Variants in GNG2 observed in about 807,000 individuals in gnomAD.
GNG2 encodes guanine nucleotide-binding protein G(I)/G(S)/G(O) subunit gamma-2.
In GNG2, 5 loss-of-function variants were observed where a neutral mutation model predicts 5.5. The observed-to-expected ratio is 0.91, with a 90% CI of 0.48 to 1.92. The LOEUF (loss-of-function observed/expected upper bound fraction) is 1.92. Among genes scored for constraint, GNG2 ranks in the 30% most tolerant of loss-of-function variants. The probability of loss-of-function intolerance (pLI) is 0.01; values close to 1 mark genes in which losing one functional copy is unlikely to be tolerated. For missense variants in GNG2, 55 were observed against 88.4 expected (o/e 0.62, Z 1.52); for synonymous variants, 28 against 32.0 (o/e 0.88, Z 0.42).
rs150037634 is a variant in GNG2, at chr14:51,946,945, G to A, written c.-29-3705G>A. Among the ~76,000 whole-genome samples the A allele has an allele frequency of 2.0e-4, 30 of 152,204 alleles. No individual in the cohort carries two copies. In the East Asian group the frequency reaches 5.2e-3, roughly 26 times the overall value. ...AAATCAGCTGGATGTGAAAAAAAAG[G>A]GAAAAATGCACTAATTGATTCTAAA... On this transcript the variant is annotated intron_variant, in intron 2 of 3. Transcript: ENST00000556766.
At position 51,881,672 on chromosome 14, in the gene GNG2, T is replaced by C. The variant is rs956558943; in HGVS notation, c.-30+4015T>C. ...GAACAATAAATTAGCTTCCCTAGAA[T>C]AGGCATTTGACTTTTAGGAGCTGGA... On this transcript the variant is annotated intron_variant, in intron 2 of 3. Coordinates refer to ENST00000556766, the MANE Select transcript of GNG2 (RefSeq NM_053064.5). Among the ~76,000 whole-genome samples the C allele has an allele frequency of 8.0e-5, 12 of 150,098 alleles. No homozygotes were observed. The South Asian group carries it at 2.3e-3, about 29-fold the overall frequency.
intron 2 of GNG2, among the ~76,000 whole-genome samples, chr14:51,831,508 C>T (rs891995126): frequency 5.3e-5 from 8 of 152,222 alleles, no homozygotes; most frequent in Non-Finnish European, 8.8e-5. Context: ...TCTAGACTGT[C>T]GGTATCAGAA....
At chr14:51,879,543 T>C (rs1460517612) in intron 2 of GNG2, among the ~76,000 whole-genome samples, 1 of 152,214 alleles carries the variant, frequency 6.6e-6, no homozygotes, top group Non-Finnish European at 1.5e-5. Context: ...TTAGGTTCTA[T>C]AGGGATTTCA....
intron 2 of GNG2, among the ~76,000 whole-genome samples, chr14:51,938,022 C>A (rs1377568698): frequency 6.6e-6 from 1 of 152,222 alleles, no homozygotes; most frequent in Non-Finnish European, 1.5e-5. Context: ...CTCTCACATT[C>A]GTTCAGTGGC....
chr14:51,885,617 C>T (rs988142121), intron 2 of GNG2, among the ~76,000 whole-genome samples: 5 of 151,852 alleles, frequency 3.3e-5, no homozygotes, highest in South Asian at 2.1e-4. Context: ...ACACCCCCGC[C>T]CCCAAACAAA....
chr14:51,925,055 G>A (rs534016746), intron 2 of GNG2, among the ~76,000 whole-genome samples: 2 of 152,190 alleles, frequency 1.3e-5, no homozygotes, highest in Non-Finnish European at 2.9e-5. Flanking sequence ...CCATAGCACT[G>A]TAGGGTAACT....
At chr14:51,951,092 G>A (rs753425673) in intron 3 of GNG2, among the ~76,000 whole-genome samples, 9 of 152,086 alleles carry the variant, frequency 5.9e-5, no homozygotes, top group Non-Finnish European at 1.3e-4. Flanking sequence ...TCATGGAAAC[G>A]TTTTTCTTAT....
rs144731972 is a variant in GNG2, at chr14:51,828,048, C to T, written c.64+241C>T. 9.2e-5 allele frequency among the ~76,000 whole-genome samples: 14 copies of T among 152,258 alleles called. 1 individual carries two copies. The highest frequency in any genetic ancestry group is 7.7e-4 in the East Asian group (4 of 5,186). On this transcript the variant is annotated intron_variant, in intron 2 of 3. Coordinates refer to the GNG2 transcript ENST00000553432. Reference sequence around the variant, plus strand: ...CTTGGGGGCAGTGGCCATGGATTCTCGGGATGAGAGGCCTCGGTAGAACTG... The same window carrying T: ...CTTGGGGGCAGTGGCCATGGATTCTTGGGATGAGAGGCCTCGGTAGAACTG...
chr14:51,935,368 G>A (rs1887930677), intron 2 of GNG2, among the ~76,000 whole-genome samples: 1 of 152,152 alleles, frequency 6.6e-6, no homozygotes, highest in African/African-American at 2.4e-5. Flanking sequence ...TGCCTCATCA[G>A]TAGTGATCAC....
chr14:51,859,878 A>G (rs1455913943), upstream of GNG2, among the ~76,000 whole-genome samples: 1 of 152,130 alleles, frequency 6.6e-6, no homozygotes, highest in Non-Finnish European at 1.5e-5. Context: ...GCACCACCTC[A>G]TTCCTTCCCA....
At chr14:51,867,855 C>G (rs1192398777) in intron 1 of GNG2, among the ~76,000 whole-genome samples, 1 of 152,170 alleles carries the variant, frequency 6.6e-6, no homozygotes, top group Non-Finnish European at 1.5e-5. Flanking sequence ...GTTCTTTCAT[C>G]ACAGCATCTA....
chr14:51,836,897 G>A (rs1276363863), intron 2 of GNG2, among the ~76,000 whole-genome samples: 1 of 113,572 alleles, frequency 8.8e-6, no homozygotes, highest in African/African-American at 3.3e-5. Flanking sequence ...TTCCTCTGTT[G>A]CCCAGGCCAG....
At chr14:51,848,647 A>G (rs1488257988) in intron 2 of GNG2, among the ~76,000 whole-genome samples, 1 of 152,222 alleles carries the variant, frequency 6.6e-6, no homozygotes, top group African/African-American at 2.4e-5. Flanking sequence ...ATTAGGAAAT[A>G]GAAGGCACAC....
At chr14:51,844,581 A>T (rs988736158) in intron 2 of GNG2, among the ~76,000 whole-genome samples, 2 of 152,104 alleles carry the variant, frequency 1.3e-5, no homozygotes, top group African/African-American at 4.8e-5. Context: ...GGAAGCCCCA[A>T]AACCTCCACG....
At chr14:51,950,583 G>T in intron 2 of GNG2, 67 bp from the exon 3 acceptor site, 1 of 974,730 alleles carries the variant, frequency 1.0e-6, no homozygotes, top group Non-Finnish European at 1.6e-6. Flanking sequence ...CCCTAGTTAC[G>T]ATGAACTTGC....
chr14:51,851,036 A>G (rs1447226718), intron 2 of GNG2, among the ~76,000 whole-genome samples: 7 of 152,220 alleles, frequency 4.6e-5, no homozygotes. Context: ...CCCACCGTGG[A>G]GCTTATGTAC....
At chr14:51,911,484 A>T (rs1409301615) in intron 2 of GNG2, among the ~76,000 whole-genome samples, 1 of 152,006 alleles carries the variant, frequency 6.6e-6, no homozygotes, top group Non-Finnish European at 1.5e-5. Flanking sequence ...GAAATCTTGG[A>T]AATTTAGTGA....
chr14:51,859,056 A>G (rs1217372061), upstream of GNG2, among the ~76,000 whole-genome samples: 1 of 152,132 alleles, frequency 6.6e-6, no homozygotes, highest in Non-Finnish European at 1.5e-5. Context: ...TCAACTGGAG[A>G]GTTATTCTCC....
At chr14:51,927,858 T>TTTG (rs150493266) in intron 2 of GNG2, among the ~76,000 whole-genome samples, 1,851 of 151,410 alleles carry the variant, frequency 0.012, 22 homozygotes, top group African/African-American at 0.042. Flanking sequence ...CTTCTGGTGG[T>TTTG]TTGTTGTTGT....
Sources: gnomAD v4.1 joint callset for allele counts (sites outside exome capture counted in the v4.1 genomes callset) on GRCh38, gnomAD v4.1.1 for gene constraint, MANE v1.5 for transcripts, NCBI Gene and HGNC (gene_info 2026-07-23, HGNC 2026-07-21) for gene names.